The following PLD5 variants were observed in gnomAD, a reference collection of about 807,000 sequenced individuals.
PLD5 encodes phospholipase D family member 5.
Under a neutral mutation model 61.1 loss-of-function variants are expected in PLD5, and 36 were observed. The ratio of observed to expected loss-of-function variants is 0.59; its 90% CI spans 0.45 to 0.78. PLD5 has a LOEUF of 0.78. Ranked by LOEUF, PLD5 falls within the 30% of genes least tolerant of loss-of-function variation. The pLI is 0.00. For missense variants in PLD5, 515 were observed against 644.4 expected, an observed-to-expected ratio of 0.80 and a Z score of 2.17; for synonymous variants, 243 against 242.8, an observed-to-expected ratio of 1.00 and a Z score of -0.01.
intron 2 of PLD5, among the ~76,000 whole-genome samples, chr1:242,333,885 T>G (rs1431210939): frequency 1.3e-5 from 2 of 152,232 alleles, no homozygotes; most frequent in Non-Finnish European, 2.9e-5. Flanking sequence ...ACATTTACTT[T>G]ATTTACCCAT....
intron 2 of PLD5, among the ~76,000 whole-genome samples, chr1:242,318,027 G>A (rs11588946): frequency 3.3e-5 from 5 of 152,154 alleles, no homozygotes; most frequent in South Asian, 2.1e-4. Flanking sequence ...TGCTTATATC[G>A]GTGCCTTTAT....
intron 4 of PLD5, among the ~76,000 whole-genome samples, chr1:242,257,639 C>T (rs1174757409): frequency 6.6e-6 from 1 of 152,068 alleles, no homozygotes; most frequent in African/African-American, 2.4e-5. Context: ...GCTCTCACCA[C>T]AAAAAATAAG....
intron 1 of PLD5, among the ~76,000 whole-genome samples, chr1:242,371,915 G>A (rs1000256849): frequency 2.0e-5 from 3 of 151,640 alleles, no homozygotes; most frequent in African/African-American, 4.8e-5. Flanking sequence ...TGTGCAGAAC[G>A]TGCAGGTTTG....
chr1:242,462,050 T>C (rs1301204046), intron 1 of PLD5, among the ~76,000 whole-genome samples: 1 of 152,250 alleles, frequency 6.6e-6, no homozygotes, highest in Non-Finnish European at 1.5e-5. Context: ...CAGTTTCTTT[T>C]ACTGTGCAGA....
At chr1:242,191,933 G>C (rs1269663365) in intron 5 of PLD5, among the ~76,000 whole-genome samples, 1 of 152,120 alleles carries the variant, frequency 6.6e-6, no homozygotes, top group Non-Finnish European at 1.5e-5. Context: ...AGAAAAGAAA[G>C]ACTCACTCTC....
chr1:242,279,027 A>C (rs1231799249), intron 3 of PLD5, among the ~76,000 whole-genome samples: 20 of 152,230 alleles, frequency 1.3e-4, no homozygotes, highest in Non-Finnish European at 4.4e-5. Flanking sequence ...ACTGTTTCAA[A>C]CCAAAAAGCA....
chr1:242,260,346 C>CAA lies in PLD5; in HGVS notation c.607+4989_607+4990dup, dbSNP rs58683643. On this transcript the variant is annotated intron_variant, in intron 4 of 9. Transcript: ENST00000536534. ...TGGGTGACAGAGTGAGACTCCGTCT[C>CAA]AAAAAAAAAAAAAAAGAATTGTCAC... Among the ~76,000 whole-genome samples the CAA allele has an allele frequency of 3.2e-4, 39 of 120,348 alleles. 2 individuals carry two copies. Among genetic ancestry groups the CAA allele is most frequent in the Non-Finnish European group, 4.1e-4 (24 of 57,960 alleles). The allele number at this position is 120,348 out of a possible 152,430, so 79.0% of individuals were successfully genotyped here.
chr1:242,454,584 CAT>C (rs1278124612), intron 1 of PLD5, among the ~76,000 whole-genome samples: 1 of 152,166 alleles, frequency 6.6e-6, no homozygotes, highest in Non-Finnish European at 1.5e-5. Flanking sequence ...CAGGGGAAAA[CAT>C]ATTTCATCTG....
At chr1:242,463,489 A>G (rs1013632571) in intron 1 of PLD5, among the ~76,000 whole-genome samples, 1 of 152,136 alleles carries the variant, frequency 6.6e-6, no homozygotes, top group Non-Finnish European at 1.5e-5. Flanking sequence ...AGTCTCCCAA[A>G]GGGTTATTTC....
At chr1:242,310,857 A>G (rs1676657967) in intron 2 of PLD5, among the ~76,000 whole-genome samples, 1 of 152,202 alleles carries the variant, frequency 6.6e-6, no homozygotes, top group African/African-American at 2.4e-5. Context: ...TTTTCAAGGT[A>G]GCAAGGTAGC....
At chr1:242,108,630 A>G (rs1661247831) in intron 7 of PLD5, among the ~76,000 whole-genome samples, 1 of 152,202 alleles carries the variant, frequency 6.6e-6, no homozygotes, top group African/African-American at 2.4e-5. Flanking sequence ...ATGTTAAAAC[A>G]AAAAGCTTTC....
intron 2 of PLD5, among the ~76,000 whole-genome samples, chr1:242,318,169 C>T (rs1411977521): frequency 1.3e-5 from 2 of 152,134 alleles, no homozygotes; most frequent in East Asian, 3.9e-4. Context: ...TGCCCTGGGG[C>T]TGTGAAGGAG....
chr1:242,228,748 C>T (rs1368164313), intron 4 of PLD5, among the ~76,000 whole-genome samples: 1 of 151,690 alleles, frequency 6.6e-6, no homozygotes, highest in Admixed American at 6.6e-5. Context: ...AGAGGAGCAC[C>T]AGGAGAGAGC....
intron 4 of PLD5, among the ~76,000 whole-genome samples, chr1:242,259,972 A>G (rs1167917593): frequency 2.0e-5 from 3 of 152,334 alleles, no homozygotes; most frequent in Admixed American, 1.3e-4. Context: ...ATTCAATAAT[A>G]TGACTGGGCT....
chr1:242,134,426 T>C (rs2148768587), intron 5 of PLD5, among the ~76,000 whole-genome samples: 1 of 152,202 alleles, frequency 6.6e-6, no homozygotes, highest in Admixed American at 6.5e-5. Flanking sequence ...AAAGAAAATT[T>C]TTAAAAGTAT....
Position 242,269,351 on chromosome 1 carries a change from A to G in PLD5, c.496-3903T>C, listed in dbSNP as rs192428006. 1.1e-3 allele frequency among the ~76,000 whole-genome samples: 174 copies of G among 152,126 alleles called. 3 individuals are homozygous for G. The East Asian group carries it at 0.026, about 23-fold the overall frequency. ...CTGTAAAAACCTCATGATGTACAGT[A>G]GAGTCGTATGCAGGAAGCTGTACCC... On this transcript the variant is annotated intron_variant, in intron 3 of 9. Coordinates refer to ENST00000536534, the MANE Select transcript of PLD5 (RefSeq NM_001372062.1).
chr1:242,198,785 A>T (rs1051911432), intron 5 of PLD5, among the ~76,000 whole-genome samples: 3 of 151,050 alleles, frequency 2.0e-5, no homozygotes, highest in Non-Finnish European at 4.4e-5. Flanking sequence ...CCCAGGCTGG[A>T]GTGCAGTGGC....
chr1:242,351,232 A>G (rs373452202), intron 1 of PLD5, among the ~76,000 whole-genome samples: 18 of 152,196 alleles, frequency 1.2e-4, no homozygotes, highest in African/African-American at 4.1e-4. Flanking sequence ...TATTCTTTCT[A>G]TCCTCAAGCA....
intron 2 of PLD5, among the ~76,000 whole-genome samples, chr1:242,347,538 G>A (rs1660205368): frequency 6.6e-6 from 1 of 152,092 alleles, no homozygotes; most frequent in Non-Finnish European, 1.5e-5. Context: ...AGTCAGCAAG[G>A]CCCCCAGGAA....
Sources: allele counts gnomAD v4.1 joint callset (sites outside exome capture counted in the v4.1 genomes callset), GRCh38; gene constraint gnomAD v4.1.1; transcripts MANE v1.5; gene names NCBI Gene and HGNC (gene_info 2026-07-23, HGNC 2026-07-21).